DNAH11: variants seen among roughly 807,000 people sequenced by gnomAD.
DNAH11 encodes the protein axonemal beta dynein heavy chain 11.
Under a neutral mutation model 526.0 loss-of-function variants are expected in DNAH11, and 442 were observed. The ratio of observed to expected loss-of-function variants is 0.84; its 90% CI spans 0.78 to 0.91. The LOEUF is 0.91. DNAH11 is among the 40% of genes least tolerant of loss of function. DNAH11 has a pLI of 0.00. For missense variants in DNAH11, 6,989 were observed against 5,448.7 expected (o/e 1.28, Z -8.90); for synonymous variants, 2,461 against 1,935.9 (o/e 1.27, Z -7.12).
intron 65 of DNAH11, among the ~76,000 whole-genome samples, chr7:21,834,840 AGAGT>A (rs1272765371): frequency 5.9e-5 from 9 of 152,164 alleles, no homozygotes; most frequent in Non-Finnish European, 1.3e-4. Context: ...CCTGGGTGAC[AGAGT>A]GAGATGCTGT....
chr7:21,598,245 G>T (rs1784939388), intron 14 of DNAH11, among the ~76,000 whole-genome samples: 1 of 152,118 alleles, frequency 6.6e-6, no homozygotes, highest in African/African-American at 2.4e-5. Context: ...CTGTGCTTCA[G>T]TTCCTCCCTT....
At chr7:21,629,209 C>A (rs766429807) in intron 25 of DNAH11, among the ~76,000 whole-genome samples, 2 of 152,036 alleles carry the variant, frequency 1.3e-5, no homozygotes, top group Non-Finnish European at 2.9e-5. Context: ...GTGTTTGTGA[C>A]ATTTCTAAGG....
At chr7:21,793,790 C>G (rs1788582074) in intron 61 of DNAH11, among the ~76,000 whole-genome samples, 1 of 152,170 alleles carries the variant, frequency 6.6e-6, no homozygotes, top group African/African-American at 2.4e-5. Flanking sequence ...CCTGCTATTA[C>G]TGTATTTCAG....
intron 74 of DNAH11, among the ~76,000 whole-genome samples, chr7:21,880,398 T>G (rs1783873323): frequency 6.6e-6 from 1 of 152,098 alleles, no homozygotes; most frequent in Non-Finnish European, 1.5e-5. Context: ...CGAAGAAAAT[T>G]TTGCAGAGGA....
At chr7:21,851,922 G>A (rs1053906142) in intron 66 of DNAH11, among the ~76,000 whole-genome samples, 1 of 152,126 alleles carries the variant, frequency 6.6e-6, no homozygotes, top group Admixed American at 6.5e-5. Flanking sequence ...GATTCTTCCT[G>A]TGGTTCATGA....
At chr7:21,641,210 A>G (rs1264446844) in intron 28 of DNAH11, among the ~76,000 whole-genome samples, 2 of 152,160 alleles carry the variant, frequency 1.3e-5, no homozygotes, top group Non-Finnish European at 2.9e-5. Context: ...CAGAGTTTTT[A>G]TGAGTGATTC....
chr7:21,797,362 G>A (rs1304199063), intron 61 of DNAH11, among the ~76,000 whole-genome samples: 1 of 148,670 alleles, frequency 6.7e-6, no homozygotes, highest in Admixed American at 6.6e-5. Flanking sequence ...TGGCATTACA[G>A]GCCTGCGCCA....
At chr7:21,825,524 C>A (rs1260821922) in intron 65 of DNAH11, among the ~76,000 whole-genome samples, 1 of 152,016 alleles carries the variant, frequency 6.6e-6, no homozygotes, top group Non-Finnish European at 1.5e-5. Flanking sequence ...CTGAGAGAGA[C>A]TTTTATGCTT....
intron 8 of DNAH11, among the ~76,000 whole-genome samples, chr7:21,573,561 CA>C (rs1287652029): frequency 2.0e-5 from 3 of 152,060 alleles, no homozygotes; most frequent in Admixed American, 6.6e-5. Context: ...TTGCATTTAT[CA>C]TATATTTTTG....
intron 25 of DNAH11, among the ~76,000 whole-genome samples, chr7:21,630,266 G>T (rs193039054): frequency 6.6e-6 from 1 of 151,720 alleles, no homozygotes; most frequent in Admixed American, 6.6e-5. Context: ...TTTTTATATT[G>T]TCTATCTCTT....
chr7:21,660,432 CT>C (rs369742197), intron 30 of DNAH11, among the ~76,000 whole-genome samples: 7 of 151,308 alleles, frequency 4.6e-5, no homozygotes, highest in East Asian at 1.9e-4. Flanking sequence ...TCCAACTTGT[CT>C]TTTTTTTGTT....
intron 68 of DNAH11, 74 bp from the exon 69 acceptor site, chr7:21,861,779 G>A: frequency 6.4e-7 from 1 of 1,569,318 alleles, no homozygotes; most frequent in South Asian, 1.2e-5. Context: ...TTAAACTGTT[G>A]CCCTGTGTAT....
intron 30 of DNAH11, among the ~76,000 whole-genome samples, chr7:21,673,412 C>T (rs2128469922): frequency 6.6e-6 from 1 of 152,310 alleles, no homozygotes; most frequent in South Asian, 2.1e-4. Context: ...TGTACCCATA[C>T]AATGCCTGTC....
intron 65 of DNAH11, among the ~76,000 whole-genome samples, chr7:21,840,160 C>T (rs1181147964): frequency 6.6e-6 from 1 of 152,166 alleles, no homozygotes; most frequent in Non-Finnish European, 1.5e-5. Flanking sequence ...TTCTGGATAT[C>T]ACTCCTCAAA....
chr7:21,726,012 T>G, intron 45 of DNAH11, 28 bp downstream of exon 45: 1 of 1,504,888 alleles, frequency 6.6e-7, no homozygotes, highest in Non-Finnish European at 8.9e-7. Context: ...AGCAATTGTA[T>G]TAGTCTGTTT....
intron 25 of DNAH11, among the ~76,000 whole-genome samples, chr7:21,627,966 G>C (rs990635031): frequency 6.6e-6 from 1 of 151,626 alleles, no homozygotes; most frequent in Non-Finnish European, 1.5e-5. Context: ...GTTTCATAAT[G>C]TTTCTCATAT....
chr7:21,838,258 T>A (rs1476149191), intron 65 of DNAH11, among the ~76,000 whole-genome samples: 4 of 152,222 alleles, frequency 2.6e-5, no homozygotes, highest in Non-Finnish European at 4.4e-5. Context: ...ATTGCTATGC[T>A]CAAAAGACAA....
intron 49 of DNAH11, among the ~76,000 whole-genome samples, chr7:21,742,462 T>G (rs773521527): frequency 2.0e-5 from 3 of 152,026 alleles, no homozygotes; most frequent in Non-Finnish European, 4.4e-5. Context: ...CCCCAAACTT[T>G]TAAACAACCA....
Position 21,832,401 on chromosome 7 carries a change from AT to A in DNAH11, c.10692-10139del, listed in dbSNP as rs1169544678. Among the ~76,000 whole-genome samples, 4 of 152,186 alleles carry A rather than the reference AT, an allele frequency of 2.6e-5. No homozygotes were observed. In the East Asian group the frequency reaches 7.7e-4, roughly 29 times the overall value. On this transcript the variant is annotated intron_variant, in intron 65 of 81. Transcript: ENST00000409508. ...CTCAGCATTTGCTTGTCTGTAAAGGATTTTATTTCTCCTTCGCTTATGAAGC... is the reference window on the plus strand; with the variant it reads ...CTCAGCATTTGCTTGTCTGTAAAGGATTTATTTCTCCTTCGCTTATGAAGC...
Sources: allele counts gnomAD v4.1 joint callset (sites outside exome capture counted in the v4.1 genomes callset), GRCh38; gene constraint gnomAD v4.1.1; transcripts MANE v1.5; gene names NCBI Gene and HGNC (gene_info 2026-07-23, HGNC 2026-07-21).